JMJD1C: variants seen among roughly 807,000 people sequenced by gnomAD.
JMJD1C encodes jumonji domain containing 1C.
JMJD1C carries 31 observed loss-of-function variants against 245.3 expected under a neutral mutation model. The ratio of observed to expected loss-of-function variants is 0.13; its 90% confidence interval spans 0.09 to 0.17. The LOEUF (loss-of-function observed/expected upper bound fraction) is 0.17. Ranked by LOEUF, JMJD1C falls within the 10% of genes least tolerant of loss-of-function variation. The probability of loss-of-function intolerance (pLI) is 1.00; values close to 1 mark genes in which losing one functional copy is unlikely to be tolerated. For missense variants in JMJD1C, 2,691 were observed against 3,000.2 expected (o/e 0.90, Z 2.41); for synonymous variants, 1,057 against 1,017.4 (o/e 1.04, Z -0.74).
intron 13 of JMJD1C, among the ~76,000 whole-genome samples, chr10:63,195,811 C>A (rs1845393290): frequency 6.6e-6 from 1 of 152,046 alleles, no homozygotes; most frequent in African/African-American, 2.4e-5. Flanking sequence ...CGCCTGTAGT[C>A]CCAGCTACTC....
At chr10:63,398,779 G>T (rs760668172) in intron 1 of JMJD1C, among the ~76,000 whole-genome samples, 13 of 152,050 alleles carry the variant, frequency 8.5e-5, no homozygotes, top group Non-Finnish European at 1.6e-4. Flanking sequence ...GAGTAACCTG[G>T]GATTACAGGC....
intron 1 of JMJD1C, among the ~76,000 whole-genome samples, chr10:63,464,974 T>A (rs61853612): frequency 6.6e-6 from 1 of 152,130 alleles, no homozygotes; most frequent in Admixed American, 6.5e-5. Flanking sequence ...CTAAAACACA[T>A]AGGAATCCCC....
At chr10:63,269,171 T>G in intron 2 of JMJD1C, 1 of 985,440 alleles carries the variant, frequency 1.0e-6, no homozygotes, top group Non-Finnish European at 1.2e-6. Flanking sequence ...TCTGTCTGCG[T>G]GGAAACACAG....
intron 2 of JMJD1C, among the ~76,000 whole-genome samples, chr10:63,322,818 A>C (rs1941053419): frequency 6.6e-6 from 1 of 150,888 alleles, no homozygotes; most frequent in South Asian, 2.1e-4. Context: ...AAAAAAAAAA[A>C]AAAAACTTTT....
At chr10:63,416,465 G>A (rs1404999775) in intron 1 of JMJD1C, among the ~76,000 whole-genome samples, 1 of 151,786 alleles carries the variant, frequency 6.6e-6, no homozygotes, top group Non-Finnish European at 1.5e-5. Flanking sequence ...TAGAGAGCAT[G>A]TGATATTATA....
chr10:63,210,623 G>C (rs1217974865), intron 8 of JMJD1C, among the ~76,000 whole-genome samples: 2 of 152,162 alleles, frequency 1.3e-5, no homozygotes, highest in African/African-American at 4.8e-5. Flanking sequence ...CTGTTAGCCA[G>C]CTCTTGGCTC....
At chr10:63,346,366 A>C (rs946333915) in intron 2 of JMJD1C, among the ~76,000 whole-genome samples, 4 of 152,214 alleles carry the variant, frequency 2.6e-5, no homozygotes, top group Non-Finnish European at 4.4e-5. Context: ...GTTTTGTTAA[A>C]TCAAAATCTG....
intron 1 of JMJD1C, among the ~76,000 whole-genome samples, chr10:63,459,438 C>T (rs1288643255): frequency 6.6e-6 from 1 of 152,148 alleles, no homozygotes; most frequent in African/African-American, 2.4e-5. Context: ...CGATGTATCT[C>T]TCCTGAAATT....
intron 2 of JMJD1C, chr10:63,358,887 G>A (rs1296044002): frequency 1.3e-5 from 2 of 154,484 alleles, no homozygotes; most frequent in Non-Finnish European, 2.9e-5. Flanking sequence ...GTAACGATCA[G>A]ATTGTATCTT....
intron 1 of JMJD1C, among the ~76,000 whole-genome samples, chr10:63,505,774 C>T (rs888633033): frequency 7.6e-4 from 115 of 150,844 alleles, no homozygotes; most frequent in African/African-American, 2.6e-3. Flanking sequence ...AACAGGGATG[C>T]AAATAGAGCT....
At chr10:63,328,808 A>C (rs1941817156) in intron 2 of JMJD1C, among the ~76,000 whole-genome samples, 1 of 152,240 alleles carries the variant, frequency 6.6e-6, no homozygotes, top group South Asian at 2.1e-4. Context: ...AACTTTGCTA[A>C]AAAGAGGGCT....
At position 63,194,159 on chromosome 10, in the gene JMJD1C, T is replaced by A. The variant is rs184708733; in HGVS notation, c.5734+127A>T. ...TATTACATAGAGGATTTCCAATAAC[T>A]GAGCAAGACAATTCAAAACTAGTTA... is the stretch of plus-strand genomic sequence containing the variant. On this transcript the variant is annotated intron_variant, in intron 14 of 25. Transcript: ENST00000399262. The A allele has an allele frequency of 2.4e-5, 16 of 655,272 alleles. No homozygotes were observed. In the East Asian group the frequency reaches 4.3e-4, roughly 18 times the overall value. The allele number at this position is 655,272 out of a possible 1,614,324, so 40.6% of individuals were successfully genotyped here.
intron 1 of JMJD1C, among the ~76,000 whole-genome samples, chr10:63,461,633 A>G (rs1297240316): frequency 6.6e-6 from 1 of 152,204 alleles, no homozygotes; most frequent in Non-Finnish European, 1.5e-5. Flanking sequence ...TTCCCAGGAT[A>G]TCCCCTAAAT....
intron 2 of JMJD1C, among the ~76,000 whole-genome samples, chr10:63,277,985 G>A (rs756528710): frequency 2.0e-5 from 3 of 151,590 alleles, no homozygotes; most frequent in Non-Finnish European, 2.9e-5. Context: ...TGCCCACCTC[G>A]ACCTCCCAAA....
At chr10:63,496,365 A>G (rs892288864) in intron 1 of JMJD1C, among the ~76,000 whole-genome samples, 1 of 150,064 alleles carries the variant, frequency 6.7e-6, no homozygotes, top group Admixed American at 6.6e-5. Context: ...TTAAAAAGAG[A>G]AAAAAAAATA....
intron 2 of JMJD1C, among the ~76,000 whole-genome samples, chr10:63,308,155 GA>G (rs201317377): frequency 0.021 from 3,053 of 143,670 alleles, 71 homozygotes; most frequent in African/African-American, 0.058. Flanking sequence ...CATCTCAAAA[GA>G]AAAAAAAAAA....
intron 2 of JMJD1C, among the ~76,000 whole-genome samples, chr10:63,274,803 A>G (rs1019657623): frequency 6.6e-6 from 1 of 152,188 alleles, no homozygotes; most frequent in African/African-American, 2.4e-5. Flanking sequence ...GCTTTGGGCC[A>G]GGGTATGCAA....
At chr10:63,258,101 A>G (rs1350908784) in intron 3 of JMJD1C, among the ~76,000 whole-genome samples, 3 of 152,198 alleles carry the variant, frequency 2.0e-5, no homozygotes, top group Non-Finnish European at 4.4e-5. Flanking sequence ...GAAATTTACA[A>G]TATGTCTCTT....
intron 1 of JMJD1C, among the ~76,000 whole-genome samples, chr10:63,381,889 T>C (rs1947246874): frequency 6.6e-6 from 1 of 152,132 alleles, no homozygotes; most frequent in South Asian, 2.1e-4. Context: ...CTGATGACTC[T>C]AGAAGGAGAG....
Sources: allele counts gnomAD v4.1 joint callset (sites outside exome capture counted in the v4.1 genomes callset), GRCh38; gene constraint gnomAD v4.1.1; transcripts MANE v1.5; gene names NCBI Gene and HGNC (gene_info 2026-07-23, HGNC 2026-07-21).